The following CTNND2 variants were observed in gnomAD, a reference collection of about 807,000 sequenced individuals.
CTNND2 encodes the protein catenin delta-2.
CTNND2 carries 22 observed loss-of-function variants against 144.4 expected under a neutral mutation model. The observed-to-expected ratio is 0.15, with a 90% CI of 0.11 to 0.22. CTNND2 has a LOEUF of 0.22. CTNND2 is among the 10% of genes least tolerant of loss of function. CTNND2 has a pLI of 1.00. For synonymous variants in CTNND2, 751 were observed against 695.6 expected, an observed-to-expected ratio of 1.08 and a Z score of -1.25; for missense variants, 1,353 against 1,618.8, an observed-to-expected ratio of 0.84 and a Z score of 2.82.
At chr5:11,708,584 T>G (rs1785847795) in intron 2 of CTNND2, among the ~76,000 whole-genome samples, 1 of 152,166 alleles carries the variant, frequency 6.6e-6, no homozygotes, top group Admixed American at 6.6e-5. Flanking sequence ...AAGTTTATTT[T>G]TCTTGCTTGG....
At chr5:11,206,817 A>G (rs1040350029) in intron 10 of CTNND2, among the ~76,000 whole-genome samples, 1 of 152,174 alleles carries the variant, frequency 6.6e-6, no homozygotes, top group Non-Finnish European at 1.5e-5. Flanking sequence ...CATCAGTCAG[A>G]GGCAAATATC....
chr5:11,259,845 C>T (rs1254275740), intron 9 of CTNND2, among the ~76,000 whole-genome samples: 1 of 152,134 alleles, frequency 6.6e-6, no homozygotes, highest in Non-Finnish European at 1.5e-5. Context: ...CAAAGTCAGC[C>T]TGGAATGGAT....
intron 8 of CTNND2, chr5:11,364,452 CT>C: frequency 5.2e-6 from 2 of 384,858 alleles, no homozygotes; most frequent in East Asian, 4.3e-5. Flanking sequence ...CAATTTTTCT[CT>C]TTGACAAAAT....
At chr5:11,795,326 A>G (rs1791345437) in intron 1 of CTNND2, among the ~76,000 whole-genome samples, 1 of 152,222 alleles carries the variant, frequency 6.6e-6, no homozygotes, top group East Asian at 1.9e-4. Flanking sequence ...GCAGGTGAGG[A>G]TACAAACCGC....
intron 12 of CTNND2, among the ~76,000 whole-genome samples, chr5:11,128,946 A>AT (rs1165566374): frequency 1.9e-5 from 1 of 51,574 alleles, no homozygotes; most frequent in Non-Finnish European, 3.8e-5. Flanking sequence ...TATATTATAT[A>AT]TAATATATAA....
chr5:11,772,814 T>G (rs563903781), intron 1 of CTNND2, among the ~76,000 whole-genome samples: 1 of 152,304 alleles, frequency 6.6e-6, no homozygotes, highest in African/African-American at 2.4e-5. Context: ...AGAATATGAT[T>G]CAAGGTGGCA....
chr5:11,130,680 C>A (rs1755502043), intron 12 of CTNND2, among the ~76,000 whole-genome samples: 1 of 152,196 alleles, frequency 6.6e-6, no homozygotes, highest in Admixed American at 6.5e-5. Flanking sequence ...GTGCCGCTCA[C>A]AGTTGTTCTT....
intron 1 of CTNND2, among the ~76,000 whole-genome samples, chr5:11,793,316 C>G (rs1387531390): frequency 6.6e-6 from 1 of 152,106 alleles, no homozygotes; most frequent in Non-Finnish European, 1.5e-5. Context: ...TCCAAAAAAC[C>G]TGGATTCATC....
intron 3 of CTNND2, 62 bp downstream of exon 3, chr5:11,564,882 C>T (rs1329520801): frequency 1.7e-5 from 19 of 1,123,170 alleles, no homozygotes; most frequent in Admixed American, 1.8e-5. Context: ...AGAAGAGAAA[C>T]ATCACGATTT....
At chr5:11,433,138 T>C (rs1198857879) in intron 3 of CTNND2, among the ~76,000 whole-genome samples, 1 of 152,032 alleles carries the variant, frequency 6.6e-6, no homozygotes, top group Non-Finnish European at 1.5e-5. Flanking sequence ...CCCAGCTACT[T>C]GGGAGGCTGA....
intron 3 of CTNND2, among the ~76,000 whole-genome samples, chr5:11,475,475 C>T (rs1306091942): frequency 5.3e-5 from 8 of 152,152 alleles, no homozygotes; most frequent in Admixed American, 2.0e-4. Context: ...GTGCAAAACA[C>T]TTCATTAGAC....
At chr5:11,173,627 T>C (rs1302622770) in intron 11 of CTNND2, among the ~76,000 whole-genome samples, 2 of 152,222 alleles carry the variant, frequency 1.3e-5, no homozygotes, top group Non-Finnish European at 1.5e-5. Context: ...ATTGGGTTTT[T>C]GTGTTTGTTT....
chr5:11,754,874 A>C (rs1197924325), intron 1 of CTNND2, among the ~76,000 whole-genome samples: 2 of 151,256 alleles, frequency 1.3e-5, no homozygotes, highest in African/African-American at 2.4e-5. Context: ...AAAGACAGTA[A>C]ATCTTGCTTC....
intron 18 of CTNND2, among the ~76,000 whole-genome samples, chr5:10,995,955 T>C (rs1739295364): frequency 6.6e-6 from 1 of 151,664 alleles, no homozygotes; most frequent in East Asian, 1.9e-4. Flanking sequence ...GGGTTGGAGC[T>C]TAGAGAACAG....
intron 2 of CTNND2, among the ~76,000 whole-genome samples, chr5:11,713,400 G>A (rs1289936821): frequency 1.3e-5 from 2 of 151,904 alleles, no homozygotes; most frequent in Non-Finnish European, 2.9e-5. Context: ...TCAACATGGT[G>A]AAACCCCATC....
intron 2 of CTNND2, among the ~76,000 whole-genome samples, chr5:11,608,514 A>G (rs146601123): frequency 0.012 from 1,854 of 152,266 alleles, 40 homozygotes; most frequent in African/African-American, 0.043. Flanking sequence ...TGTAGGGAAC[A>G]TACAGAAAAG....
chr5:11,240,508 AAC>A (rs1169934430), intron 9 of CTNND2, among the ~76,000 whole-genome samples: 2,380 of 107,466 alleles, frequency 0.022, 73 homozygotes, highest in African/African-American at 0.049. Context: ...ACACACACCC[AAC>A]ACACACACAC....
chr5:11,745,674 A>G (rs2126774484), intron 1 of CTNND2, among the ~76,000 whole-genome samples: 1 of 152,324 alleles, frequency 6.6e-6, no homozygotes, highest in East Asian at 1.9e-4. Flanking sequence ...CTGGACACAC[A>G]AAACCCTCCT....
chr5:10,982,728 C>G (rs1167696791), intron 20 of CTNND2, among the ~76,000 whole-genome samples: 1 of 152,104 alleles, frequency 6.6e-6, no homozygotes, highest in African/African-American at 2.4e-5. Flanking sequence ...TTGACAATAG[C>G]CTAGATGTGG....
Sources: gnomAD v4.1 joint callset for allele counts (sites outside exome capture counted in the v4.1 genomes callset) on GRCh38, gnomAD v4.1.1 for gene constraint, MANE v1.5 for transcripts, NCBI Gene and HGNC (gene_info 2026-07-23, HGNC 2026-07-21) for gene names.